The following TTN variants were observed in gnomAD, a reference collection of about 807,000 sequenced individuals.
TTN encodes the protein connectin.
In TTN, 1,525 loss-of-function variants were observed where a neutral mutation model predicts 3,223.0. The ratio of observed to expected loss-of-function variants is 0.47; its 90% CI spans 0.45 to 0.49. The LOEUF (loss-of-function observed/expected upper bound fraction) is 0.49. Ranked by LOEUF, TTN falls within the 20% of genes least tolerant of loss-of-function variation. TTN has a pLI of 0.00. For synonymous variants in TTN, 14,094 were observed against 15,161.0 expected (o/e 0.93, Z 5.17); for missense variants, 40,786 against 43,424.0 (o/e 0.94, Z 5.40).
chr2:178,689,514 C>T lies in TTN; in HGVS notation c.31927+1G>A, dbSNP rs1553852989. Reference sequence around the variant, plus strand: ...TATTTCATGGAGATGGGATTAAGTACCTGCTGGTGGTGGAGATTCCTCTCT... The same window carrying T: ...TATTTCATGGAGATGGGATTAAGTATCTGCTGGTGGTGGAGATTCCTCTCT... On this transcript the variant is annotated splice_donor_variant, in intron 123 of 362. Coordinates refer to ENST00000589042, the MANE Select transcript of TTN (RefSeq NM_001267550.2). LOFTEE classifies it high-confidence loss of function. 1 of 1,608,584 alleles carries T rather than the reference C, an allele frequency of 6.2e-7. No homozygotes were observed. The highest frequency in any genetic ancestry group is 8.5e-7 in the Non-Finnish European group (1 of 1,176,904).
rs1263362670 is a variant in TTN, at chr2:178,699,568, C to T, written c.30683-654G>A. On this transcript the variant is annotated intron_variant, in intron 111 of 362. Coordinates refer to ENST00000589042, the MANE Select transcript of TTN (RefSeq NM_001267550.2). ...CTGGGACTACAGGCGCCCGCCACCG[C>T]GCCCGGCTAATTTTTTGTATTTTTA... 6.9e-5 allele frequency among the ~76,000 whole-genome samples: 10 copies of T among 145,520 alleles called. No homozygotes were observed. The South Asian group carries it at 1.6e-3, about 23-fold the overall frequency.
At position 178,728,250 on chromosome 2, in the gene TTN, G is replaced by A; in HGVS notation, c.19574C>T (p.Ala6525Val). The A allele has an allele frequency of 6.2e-7, 1 of 1,613,168 alleles. No homozygotes were observed. The highest frequency in any genetic ancestry group is 1.7e-5 in the Admixed American group (1 of 59,938). ...CTCATGGCACACAAGTCTGTATTTT[G>A]CACTTGTAGATATTTCTTTTCCATC... ...FKDGKEISTS[A>V]KYRLVCHERS... The change falls in exon 67 of 363, where the codon GCA (alanine) becomes GTA (valine). Residue 6525 changes from alanine to valine, a missense_variant. Physicochemically the swap from Ala to Val is moderately conservative, Grantham distance 64 (BLOSUM62 0). Coordinates refer to ENST00000589042, the MANE Select transcript of TTN (RefSeq NM_001267550.2).
rs781726929 is a variant in TTN at position 178,728,637 on chromosome 2, T to C, written c.19289A>G (p.Tyr6430Cys). The C allele has an allele frequency of 2.5e-6, 4 of 1,613,378 alleles. No homozygotes were observed. Among genetic ancestry groups the C allele is most frequent in the East Asian group, 4.5e-5 (2 of 44,778 alleles). The change falls in exon 66 of 363, where the codon TAC becomes TGC. Residue 6430 changes from tyrosine to cysteine, a missense_variant. Coordinates refer to ENST00000589042, the MANE Select transcript of TTN (RefSeq NM_001267550.2). ...GTTATTTTCAAAACTCATTGAAAAG[T>C]ATCTACTGGGAACTATTTGTTTCCC... ...KDGKQIVPSRYFSMSFENNVA... is the reference protein window; with the variant it reads ...KDGKQIVPSRCFSMSFENNVA...
intron 304 of TTN, 60 bp downstream of exon 304, chr2:178,588,478 A>C (rs745914794): frequency 6.9e-7 from 1 of 1,458,134 alleles, no homozygotes; most frequent in Non-Finnish European, 9.2e-7. Context: ...TATTTATCGA[A>C]TACTTCTGTG....
chr2:178,722,376 C>T lies in TTN; in HGVS notation c.22411G>A (p.Asp7471Asn), dbSNP rs1174976870. The T allele has an allele frequency of 6.2e-7, 1 of 1,613,402 alleles. No individual in the cohort carries two copies. The highest frequency in any genetic ancestry group is 2.2e-5 in the East Asian group (1 of 44,834). The change falls in exon 77 of 363, where the codon GAT (aspartate) becomes AAT (asparagine). Residue 7471 changes from aspartate to asparagine, a missense_variant. Transcript: ENST00000589042. ...DDENLQTSFV[D>N]NVATLKILQT... ...AAAATTTTTAAAGTTGCCACATTAT[C>T]TACAAATGAAGTCTGTAGATTTTCA...
At chr2:178,768,291 A>C in intron 38 of TTN, 136 bp from the exon 39 acceptor site, 1 of 1,180,704 alleles carries the variant, frequency 8.5e-7, no homozygotes, top group Non-Finnish European at 1.2e-6. Flanking sequence ...AGCCATCACC[A>C]TAATTTTAGA....
At position 178,548,825 on chromosome 2, in the gene TTN, G is replaced by A. The variant is rs774501308; in HGVS notation, c.92801C>T (p.Thr30934Ile). Residue 30934 changes from threonine to isoleucine, a missense_variant, in exon 339 of 363, where the codon ACT becomes ATT. Physicochemically the swap from Thr to Ile is moderately conservative, Grantham distance 89 (BLOSUM62 -1). Coordinates refer to ENST00000589042, the MANE Select transcript of TTN (RefSeq NM_001267550.2). This position sits in a 1 kb window ranked among gnomAD's most constrained non-coding sequence, Gnocchi z 4.3. ...ELDIDANFKQTHVVRAGASIR... is the reference protein window; with the variant it reads ...ELDIDANFKQIHVVRAGASIR... ...ACTGGCCCCAGCTCTAACAACATGA[G>A]TCTGTTTGAAGTTTGCATCTATGTC... 1.2e-6 allele frequency: 2 copies of A among 1,612,898 alleles called. No individual in the cohort carries two copies. The highest frequency in any genetic ancestry group is 2.2e-5 in the East Asian group (1 of 44,838).
At position 178,531,894 on chromosome 2, in the gene TTN, G is replaced by A; in HGVS notation, c.104721C>T (p.Ile34907=). The change falls in exon 358 of 363, where the codon ATC becomes ATT. Residue 34907 remains isoleucine (I), a synonymous_variant. Transcript: ENST00000589042. ...CTTTCATGGACTCATACCTGGAAAA[G>A]ATATCAAATCTTGCAGACCTCTCAA... ...SRFERSARFD[I]FSRYESMKAA... 6.2e-7 allele frequency: 1 copy of A among 1,612,628 alleles called. No homozygotes were observed. Among genetic ancestry groups the A allele is most frequent in the Non-Finnish European group, 8.5e-7 (1 of 1,179,164 alleles).
Position 178,642,237 on chromosome 2 carries a change from C to A in TTN, c.40558G>T (p.Val13520Phe). 6.3e-7 allele frequency: 1 copy of A among 1,579,780 alleles called. No individual in the cohort carries two copies. The highest frequency in any genetic ancestry group is 2.3e-5 in the East Asian group (1 of 43,606). The change falls in exon 219 of 363, where the codon GTT (valine) becomes TTT (phenylalanine). Residue 13520 changes from valine (V) to phenylalanine (F), a missense_variant and splice_region_variant. Transcript: ENST00000589042. ...EPKEEVVLKS[V>F]LRKRPEEEEP... ...ACAGAATGGTTGAAAAATACTATAC[C>A]GCTTTTCAGAACAACTTCTTCCTTT...
intron 239 of TTN, among the ~76,000 whole-genome samples, 186 bp from the exon 240 acceptor site, chr2:178,629,629 G>C (rs1397137886): frequency 6.6e-6 from 1 of 152,120 alleles, no homozygotes; most frequent in Non-Finnish European, 1.5e-5. Flanking sequence ...GCCAGAGAGC[G>C]AGTATATGTA....
rs1219372837 is a variant in TTN at position 178,615,683 on chromosome 2, G to A, written c.48418C>T (p.Pro16140Ser). ...TTTACAGGTTCATCAACATATGCAG[G>A]TTCTCCAGGGCCACATTTGTTACGA... ...CARNKCGPGEPAYVDEPVNMS... is the reference protein window; with the variant it reads ...CARNKCGPGESAYVDEPVNMS... Residue 16140 changes from proline (P) to serine (S), a missense_variant, in exon 258 of 363, where the codon CCT becomes TCT. Transcript: ENST00000589042. 1.2e-6 allele frequency: 2 copies of A among 1,612,472 alleles called. No individual in the cohort carries two copies. Among genetic ancestry groups the A allele is most frequent in the Non-Finnish European group, 8.5e-7 (1 of 1,178,934 alleles).
intron 149 of TTN, 38 bp downstream of exon 149, chr2:178,675,633 C>T (rs988549061): frequency 8.1e-6 from 11 of 1,356,594 alleles, no homozygotes; most frequent in East Asian, 5.2e-5. Context: ...AGTTCAACAT[C>T]GGTGCAGCAA....
chr2:178,599,368 G>T lies in TTN; in HGVS notation c.56425C>A (p.Pro18809Thr). Residue 18809 changes from proline (P) to threonine (T), a missense_variant, in exon 290 of 363, where the codon CCT becomes ACT. Transcript: ENST00000589042. ...ADQMTLSWFP[P>T]KDDGGSKITN... is the part of the protein sequence containing the mutation. The stretch of plus-strand genomic sequence containing the variant: ...ATCTTAGACCCACCATCATCTTTAG[G>T]TGGAAACCAAGATAGTGTCATTTGA... 3 of 1,600,778 alleles carry T rather than the reference G, an allele frequency of 1.9e-6. No homozygotes were observed. Among genetic ancestry groups the T allele is most frequent in the Non-Finnish European group, 2.6e-6 (3 of 1,175,346 alleles).
chr2:178,599,223 A>G lies in TTN; in HGVS notation c.56570T>C (p.Phe18857Ser). Residue 18857 changes from phenylalanine (F) to serine (S), a missense_variant, in exon 290 of 363, where the codon TTC (phenylalanine) becomes TCC (serine). Physicochemically the swap from Phe to Ser is radical, Grantham distance 155. Transcript: ENST00000589042. Reference protein sequence around the residue: ...PKLLEGHEYVFRIMAQNKYGI... With the variant: ...PKLLEGHEYVSRIMAQNKYGI... ...ATATTTATTCTGGGCCATGATTCGGAATACATATTCATGGCCTTCTAGCAA... is the reference window on the plus strand; with the variant it reads ...ATATTTATTCTGGGCCATGATTCGGGATACATATTCATGGCCTTCTAGCAA... The G allele has an allele frequency of 6.5e-7, 1 of 1,535,716 alleles. No individual in the cohort carries two copies. The highest frequency in any genetic ancestry group is 8.7e-7 in the Non-Finnish European group (1 of 1,146,414).
chr2:178,575,416 T>G lies in TTN; in HGVS notation c.70716A>C (p.Gln23572His), dbSNP rs747703704. ...GGGTCCACTGGTCAGAGCCTTTTCT[T>G]TGGGCTTCAATCACATAGCCAGTGA... ...SKITGYVIEA[Q>H]RKGSDQWTHI... is the part of the protein sequence containing the mutation. Residue 23572 changes from glutamine (Q) to histidine (H), a missense_variant, in exon 326 of 363, where the codon CAA (glutamine) becomes CAC (histidine). Physicochemically the swap from Gln to His is conservative, Grantham distance 24. Coordinates refer to ENST00000589042, the MANE Select transcript of TTN (RefSeq NM_001267550.2). The surrounding 1 kb of genome is among the most constrained non-coding windows in gnomAD (Gnocchi z 4.0). 7 of 1,613,514 alleles carry G rather than the reference T, an allele frequency of 4.3e-6. No individual in the cohort carries two copies. The East Asian group carries it at 1.6e-4, about 36-fold the overall frequency.
intron 96 of TTN, among the ~76,000 whole-genome samples, 190 bp from the exon 97 acceptor site, chr2:178,711,539 A>G (rs2076652369): frequency 6.6e-6 from 1 of 152,206 alleles, no homozygotes; most frequent in Admixed American, 6.5e-5. Context: ...TCTGAGACCA[A>G]CCCTAATGCA....
Position 178,592,388 on chromosome 2 carries a change from G to C in TTN, c.59617C>G (p.Leu19873Val), listed in dbSNP as rs1185370817. ...AGSKTVSVKV[L>V]VLDKPGPPRD... Reference sequence around the variant, plus strand: ...GTAGTAAAATTCTTACCTAATACAAGTACTTTTACTGAGACAGTTTTTGAA... The same window carrying C: ...GTAGTAAAATTCTTACCTAATACAACTACTTTTACTGAGACAGTTTTTGAA... Residue 19873 changes from leucine to valine, a missense_variant, in exon 301 of 363, where the codon CTT (leucine) becomes GTT (valine). Coordinates refer to ENST00000589042, the MANE Select transcript of TTN (RefSeq NM_001267550.2). 1 of 1,612,196 alleles carries C rather than the reference G, an allele frequency of 6.2e-7. No individual in the cohort carries two copies.
At position 178,552,673 on chromosome 2, in the gene TTN, G is replaced by A. The variant is rs201998913; in HGVS notation, c.90227C>T (p.Thr30076Met). The A allele has an allele frequency of 3.3e-5, 54 of 1,613,804 alleles. No individual in the cohort carries two copies. Among genetic ancestry groups the A allele is most frequent in the African/African-American group, 3.1e-4 (23 of 74,930 alleles). The change falls in exon 335 of 363, where the codon ACG (threonine) becomes ATG (methionine). Residue 30076 changes from threonine (T) to methionine (M), a missense_variant. Transcript: ENST00000589042. ...VVERKGKGEQ[T>M]WSHAGISKTC... is the part of the protein sequence containing the mutation. ...CTTACTTATGCCAGCGTGGGACCAC[G>A]TCTGTTCACCTTTACCTTTCCTTTC...
At position 178,602,536 on chromosome 2, in the gene TTN, A is replaced by G; in HGVS notation, c.54866T>C (p.Ile18289Thr). The change falls in exon 283 of 363, where the codon ATC becomes ACC. Residue 18289 changes from isoleucine (I) to threonine (T), a missense_variant. Physicochemically the swap from Ile to Thr is moderately conservative, Grantham distance 89. Coordinates refer to ENST00000589042, the MANE Select transcript of TTN (RefSeq NM_001267550.2). ...GGCTGGAGGTTTCCATCCTAGTGAGATGCTTGACTTCGTTTTATCTTTAAC... is the reference window on the plus strand; with the variant it reads ...GGCTGGAGGTTTCCATCCTAGTGAGGTGCTTGACTTCGTTTTATCTTTAAC... ...PEVKDKTKSS[I>T]SLGWKPPAKD... 6.3e-7 allele frequency: 1 copy of G among 1,598,552 alleles called. No individual in the cohort carries two copies. The highest frequency in any genetic ancestry group is 8.5e-7 in the Non-Finnish European group (1 of 1,172,094).
Sources: allele counts gnomAD v4.1 joint callset (sites outside exome capture counted in the v4.1 genomes callset), GRCh38; gene constraint gnomAD v4.1.1; non-coding constraint Gnocchi (gnomAD v3.1); transcripts MANE v1.5; gene names NCBI Gene and HGNC (gene_info 2026-07-23, HGNC 2026-07-21).